Variants in CELF2 observed in about 807,000 individuals in gnomAD.
CELF2 encodes the protein CUGBP Elav-like family member 2.
Under a neutral mutation model 62.6 loss-of-function variants are expected in CELF2, and 8 were observed. The observed-to-expected ratio is 0.13, with a 90% CI of 0.07 to 0.23. The LOEUF (loss-of-function observed/expected upper bound fraction) is 0.23, where lower values mean the gene tolerates loss of function less well. CELF2 is among the 10% of genes least tolerant of loss of function. The pLI, the probability that CELF2 is intolerant of heterozygous loss-of-function variation, is 1.00. For synonymous variants in CELF2, 258 were observed against 250.0 expected (o/e 1.03, Z -0.30); for missense variants, 333 against 671.0 (o/e 0.50, Z 5.56).
chr10:10,626,330 T>C, the CELF2 span, among the ~76,000 whole-genome samples: 1 of 152,314 alleles, frequency 6.6e-6, no homozygotes, highest in East Asian at 1.9e-4. Context: ...CATGTATTCA[T>C]GTTAGAATGA....
chr10:10,823,416 G>C (rs1024175491), intron 1 of CELF2, among the ~76,000 whole-genome samples: 10 of 152,178 alleles, frequency 6.6e-5, no homozygotes, highest in Non-Finnish European at 1.5e-4. Flanking sequence ...GGATCTGGCT[G>C]TAGGAATGGC....
rs1485845976 is a variant in CELF2 at position 11,306,390 on chromosome 10, G to A, written c.977-7749G>A. ...AGATGGTTGTCCGAGGCAGCATCTTGCCAGCCTGCCAGCACAGAAATGGAG... is the reference window on the plus strand; with the variant it reads ...AGATGGTTGTCCGAGGCAGCATCTTACCAGCCTGCCAGCACAGAAATGGAG... On this transcript the variant is annotated intron_variant, in intron 9 of 12. Transcript: ENST00000633077. This position sits in a 1 kb window ranked among gnomAD's most constrained non-coding sequence, Gnocchi z 4.4. Among the ~76,000 whole-genome samples the A allele has an allele frequency of 6.6e-6, 1 of 152,108 alleles. No homozygotes were observed. The highest frequency in any genetic ancestry group is 1.5e-5 in the Non-Finnish European group (1 of 68,014).
chr10:10,672,025 C>A, the CELF2 span, among the ~76,000 whole-genome samples: 3 of 152,148 alleles, frequency 2.0e-5, no homozygotes, highest in East Asian at 5.8e-4. Flanking sequence ...CCACCGTGCC[C>A]AGCCTGTATG....
chr10:10,682,073 T>A, the CELF2 span, among the ~76,000 whole-genome samples: 1 of 152,224 alleles, frequency 6.6e-6, no homozygotes, highest in Non-Finnish European at 1.5e-5. Context: ...TTTCCTTCTT[T>A]ACCTCTCATT....
chr10:11,212,229 G>T (rs1589151680), intron 2 of CELF2, among the ~76,000 whole-genome samples: 1 of 152,170 alleles, frequency 6.6e-6, no homozygotes, highest in Non-Finnish European at 1.5e-5. Context: ...GGTAGGCAGG[G>T]TGACAGCTGG....
rs2060641111 is a variant in CELF2 at position 11,207,247 on chromosome 10, C to T, written c.272-10178C>T. Among the ~76,000 whole-genome samples, 1 of 152,144 alleles carries T rather than the reference C, an allele frequency of 6.6e-6. No homozygotes were observed. The highest frequency in any genetic ancestry group is 2.1e-4 in the South Asian group (1 of 4,828). The stretch of plus-strand genomic sequence containing the variant: ...AAAATGCAGTCGATTTAATCTAGGT[C>T]AAAAGGAAAGAAAGAAACTCCATTT... On this transcript the variant is annotated intron_variant, in intron 2 of 12. Transcript: ENST00000633077. This position sits in a 1 kb window ranked among gnomAD's most constrained non-coding sequence, Gnocchi z 4.1.
intron 2 of CELF2, among the ~76,000 whole-genome samples, chr10:10,924,365 C>T (rs902301930): frequency 1.4e-5 from 2 of 144,904 alleles, no homozygotes; most frequent in African/African-American, 2.5e-5. Flanking sequence ...GCACTATGAG[C>T]TGCTGTTTTT....
rs1484021292 is a variant in CELF2 at position 11,244,774 on chromosome 10, C to A, written c.355-4379C>A. On this transcript the variant is annotated intron_variant, in intron 3 of 12. Transcript: ENST00000633077. The surrounding 1 kb of genome is among the most constrained non-coding windows in gnomAD (Gnocchi z 4.2). ...GGGCCTATTTTCTCTTATTCTGTGC[C>A]TCCAAATAAATTGTTCTTTTCCCTG... 2.0e-5 allele frequency among the ~76,000 whole-genome samples: 3 copies of A among 152,146 alleles called. No individual in the cohort carries two copies. The highest frequency in any genetic ancestry group is 4.4e-5 in the Non-Finnish European group (3 of 68,012).
At chr10:10,718,371 C>A in the CELF2 span, among the ~76,000 whole-genome samples, 2 of 152,212 alleles carry the variant, frequency 1.3e-5, no homozygotes, top group East Asian at 3.9e-4. Flanking sequence ...TGCCTGTAAT[C>A]CCAGCACTTT....
chr10:10,602,607 C>A, the CELF2 span, among the ~76,000 whole-genome samples: 1 of 152,132 alleles, frequency 6.6e-6, no homozygotes, highest in Non-Finnish European at 1.5e-5. Context: ...ACGTGGTGAT[C>A]AGATGTTTTT....
At chr10:10,812,979 G>C (rs1009406024) in intron 1 of CELF2, among the ~76,000 whole-genome samples, 3 of 152,124 alleles carry the variant, frequency 2.0e-5, no homozygotes, top group Non-Finnish European at 4.4e-5. Context: ...TTGTATGATC[G>C]ATGTAAGATA....
the CELF2 span, among the ~76,000 whole-genome samples, chr10:10,618,027 T>TA: frequency 6.6e-6 from 1 of 152,080 alleles, no homozygotes; most frequent in East Asian, 1.9e-4. Context: ...ATCAGCTTAA[T>TA]ACTTCTTGAC....
Position 11,302,458 on chromosome 10 carries a change from C to T in CELF2, c.977-11681C>T, listed in dbSNP as rs1340636546. Among the ~76,000 whole-genome samples, 3 of 152,180 alleles carry T rather than the reference C, an allele frequency of 2.0e-5. No homozygotes were observed. Among genetic ancestry groups the T allele is most frequent in the Non-Finnish European group, 4.4e-5 (3 of 68,032 alleles). Reference sequence around the variant, plus strand: ...GGGCGAGGCTGTAACTTTACAGTAACGATCTTCTCCATTAAATGTGTCTGT... The same window carrying T: ...GGGCGAGGCTGTAACTTTACAGTAATGATCTTCTCCATTAAATGTGTCTGT... On this transcript the variant is annotated intron_variant, in intron 9 of 12. Transcript: ENST00000633077. The surrounding 1 kb of genome is among the most constrained non-coding windows in gnomAD (Gnocchi z 5.0).
intron 1 of CELF2, among the ~76,000 whole-genome samples, chr10:10,840,398 G>A (rs149975323): frequency 6.6e-4 from 100 of 152,242 alleles, no homozygotes; most frequent in African/African-American, 2.1e-3. Context: ...AATTTAAGTC[G>A]TTCTAGTAGG....
rs183157801 is a variant in CELF2, at chr10:10,939,652, C to T, written c.89+19653C>T. Among the ~76,000 whole-genome samples the T allele has an allele frequency of 6.4e-3, 971 of 151,682 alleles. 16 individuals are homozygous for T. The highest frequency in any genetic ancestry group is 0.022 in the African/African-American group (929 of 41,394). ...GAGGGAAGGAGAAAAATGAATGATT[C>T]AAACAGAATCGGAAAAGCCAGGCCG... On this transcript the variant is annotated intron_variant, in intron 2 of 13. Transcript: ENST00000636488.
At chr10:10,599,006 C>T in the CELF2 span, among the ~76,000 whole-genome samples, 1 of 152,054 alleles carries the variant, frequency 6.6e-6, no homozygotes, top group East Asian at 1.9e-4. Context: ...CCCTCCTCGG[C>T]CTCCCAAAAT....
chr10:10,549,544 A>C, the CELF2 span, among the ~76,000 whole-genome samples: 2 of 152,176 alleles, frequency 1.3e-5, no homozygotes, highest in Non-Finnish European at 2.9e-5. Flanking sequence ...TTGGCCTCAC[A>C]ATGTGCTGGG....
intron 2 of CELF2, among the ~76,000 whole-genome samples, chr10:11,213,746 C>G (rs931633647): frequency 1.3e-5 from 2 of 152,208 alleles, no homozygotes; most frequent in African/African-American, 4.8e-5. Context: ...ATTGCTGTAT[C>G]TAAGCTGACT....
the CELF2 span, among the ~76,000 whole-genome samples, chr10:10,733,934 C>CA: frequency 6.6e-6 from 1 of 151,980 alleles, no homozygotes; most frequent in Non-Finnish European, 1.5e-5. Context: ...TACAAATTTA[C>CA]AAAAATGAAA....
Sources: allele counts gnomAD v4.1 joint callset (sites outside exome capture counted in the v4.1 genomes callset), GRCh38; gene constraint gnomAD v4.1.1; non-coding constraint Gnocchi (gnomAD v3.1); transcripts MANE v1.5; gene names NCBI Gene and HGNC (gene_info 2026-07-23, HGNC 2026-07-21).